The following MTUS1 variants were observed in gnomAD, a reference collection of about 807,000 sequenced individuals.
MTUS1 encodes the protein microtubule-associated tumor suppressor 1.
Under a neutral mutation model 120.8 loss-of-function variants are expected in MTUS1, and 109 were observed. That is an observed-to-expected ratio of 0.90 (90% CI 0.77 to 1.06). The LOEUF (loss-of-function observed/expected upper bound fraction) is 1.06. Ranked by LOEUF, MTUS1 falls within the 50% of genes least tolerant of loss-of-function variation. The probability of loss-of-function intolerance (pLI) is 0.00; values close to 1 mark genes in which losing one functional copy is unlikely to be tolerated. For synonymous variants in MTUS1, 737 were observed against 550.5 expected (o/e 1.34, Z -4.74); for missense variants, 2,210 against 1,486.3 (o/e 1.49, Z -8.01).
intron 6 of MTUS1, among the ~76,000 whole-genome samples, chr8:17,686,065 CAT>C (rs1815730034): frequency 6.6e-6 from 1 of 152,222 alleles, no homozygotes; most frequent in African/African-American, 2.4e-5. Flanking sequence ...TCACATAACA[CAT>C]AACAATTCCA....
At chr8:17,744,892 A>G (rs940659197) in intron 2 of MTUS1, among the ~76,000 whole-genome samples, 1 of 152,036 alleles carries the variant, frequency 6.6e-6, no homozygotes, top group Non-Finnish European at 1.5e-5. Flanking sequence ...TATGATCTGT[A>G]AGTCCCTACT....
At chr8:17,697,702 C>G (rs559987815) in intron 6 of MTUS1, 1 of 1,009,716 alleles carries the variant, frequency 9.9e-7, no homozygotes. Context: ...GGTTTTCATC[C>G]GAGATGGTAA....
intron 6 of MTUS1, among the ~76,000 whole-genome samples, chr8:17,706,407 C>T (rs574659039): frequency 2.3e-4 from 35 of 152,216 alleles, no homozygotes; most frequent in Middle Eastern, 3.4e-3. Flanking sequence ...CTTAAAAGTT[C>T]GTTCTCCTCC....
intron 8 of MTUS1, among the ~76,000 whole-genome samples, chr8:17,660,864 G>A (rs1003437601): frequency 6.6e-6 from 1 of 152,190 alleles, no homozygotes; most frequent in Non-Finnish European, 1.5e-5. Context: ...ACAGAACGGT[G>A]AGCCTTGGTG....
chr8:17,653,362 C>G, intron 11 of MTUS1, 63 bp downstream of exon 11: 4 of 1,530,304 alleles, frequency 2.6e-6, no homozygotes, highest in Non-Finnish European at 3.6e-6. Flanking sequence ...ACATTAAAAC[C>G]AAACAAAATC....
At chr8:17,761,564 G>C (rs1410663676) in intron 1 of MTUS1, among the ~76,000 whole-genome samples, 1 of 152,178 alleles carries the variant, frequency 6.6e-6, no homozygotes, top group African/African-American at 2.4e-5. Flanking sequence ...TTATATAAGA[G>C]TAGATGTCTT....
intron 3 of MTUS1, among the ~76,000 whole-genome samples, chr8:17,741,735 G>C (rs2047333483): frequency 6.6e-6 from 1 of 152,124 alleles, no homozygotes; most frequent in African/African-American, 2.4e-5. Context: ...TAGATTTTCT[G>C]GGATTCAAGC....
At chr8:17,684,134 G>T (rs998285429) in intron 7 of MTUS1, among the ~76,000 whole-genome samples, 194 bp downstream of exon 7, 1 of 152,170 alleles carries the variant, frequency 6.6e-6, no homozygotes, top group Non-Finnish European at 1.5e-5. Context: ...AAGGAAGTGA[G>T]AAAATGTTTC....
intron 8 of MTUS1, among the ~76,000 whole-genome samples, chr8:17,668,168 G>A (rs1743973060): frequency 6.6e-6 from 1 of 152,210 alleles, no homozygotes; most frequent in Non-Finnish European, 1.5e-5. Context: ...AGCTTTGAAT[G>A]CGGCCCAACA....
At chr8:17,696,134 A>T (rs866413442) in intron 6 of MTUS1, among the ~76,000 whole-genome samples, 1 of 152,170 alleles carries the variant, frequency 6.6e-6, no homozygotes, top group Admixed American at 6.5e-5. Context: ...CTGAGCTGGG[A>T]GAGGAGGGCC....
At chr8:17,685,039 C>T (rs7000487) in intron 6 of MTUS1, among the ~76,000 whole-genome samples, 69,028 of 151,906 alleles carry the variant, frequency 0.45, 15,959 homozygotes, top group East Asian at 0.56. Context: ...AGATTTATAC[C>T]GCAGATGAGT....
At chr8:17,747,829 G>T (rs114719708) in intron 2 of MTUS1, among the ~76,000 whole-genome samples, 1 of 152,096 alleles carries the variant, frequency 6.6e-6, no homozygotes, top group Non-Finnish European at 1.5e-5. Context: ...AGAGTTCCAC[G>T]TGGCTGGGGA....
At chr8:17,799,898 C>A (rs971116411) in intron 1 of MTUS1, among the ~76,000 whole-genome samples, 5 of 151,986 alleles carry the variant, frequency 3.3e-5, no homozygotes, top group East Asian at 1.9e-4. Context: ...TAGTTCTAAT[C>A]TTTTCTTTGT....
chr8:17,783,052 T>C (rs577003093), intron 1 of MTUS1, among the ~76,000 whole-genome samples: 1 of 152,066 alleles, frequency 6.6e-6, no homozygotes, highest in Non-Finnish European at 1.5e-5. Context: ...CACTCCAACC[T>C]GGGCGAAGAG....
intron 1 of MTUS1, among the ~76,000 whole-genome samples, chr8:17,774,657 A>G (rs2050272351): frequency 6.6e-6 from 1 of 152,198 alleles, no homozygotes; most frequent in African/African-American, 2.4e-5. Flanking sequence ...CAAGTGGTGC[A>G]GCAGCTATGG....
At chr8:17,735,024 GTC>G (rs1214845370) in intron 3 of MTUS1, among the ~76,000 whole-genome samples, 1 of 152,004 alleles carries the variant, frequency 6.6e-6, no homozygotes, top group African/African-American at 2.4e-5. Flanking sequence ...AGATCCTCCT[GTC>G]TCAGGCTCCC....
intron 12 of MTUS1, 105 bp from the exon 13 acceptor site, chr8:17,650,067 G>A (rs998078188): frequency 1.2e-5 from 9 of 749,592 alleles, no homozygotes; most frequent in African/African-American, 5.3e-5. Context: ...GCAAGCGACA[G>A]ATGTTCATCA....
chr8:17,766,190 G>A (rs1035831667), intron 1 of MTUS1, among the ~76,000 whole-genome samples: 2 of 152,064 alleles, frequency 1.3e-5, no homozygotes, highest in Admixed American at 1.3e-4. Flanking sequence ...GAAAGCATAC[G>A]GTATTAGCAA....
At chr8:17,670,501 G>C (rs745492380) in intron 8 of MTUS1, among the ~76,000 whole-genome samples, 6 of 152,176 alleles carry the variant, frequency 3.9e-5, no homozygotes, top group Non-Finnish European at 7.3e-5. Context: ...ATGTGGAAAA[G>C]TGCTTGACCT....
Sources: gnomAD v4.1 joint callset for allele counts (sites outside exome capture counted in the v4.1 genomes callset) on GRCh38, gnomAD v4.1.1 for gene constraint, MANE v1.5 for transcripts, NCBI Gene and HGNC (gene_info 2026-07-23, HGNC 2026-07-21) for gene names.